Variants in TMCO4 observed in about 807,000 individuals in gnomAD.
The protein encoded by TMCO4 is transmembrane and coiled-coil domain-containing protein 4.
In TMCO4, 58 loss-of-function variants were observed where a neutral mutation model predicts 64.7. The observed-to-expected ratio is 0.90, with a 90% confidence interval of 0.73 to 1.12. The LOEUF (loss-of-function observed/expected upper bound fraction) is 1.12, where lower values mean the gene tolerates loss of function less well. TMCO4 is among the 50% of genes most tolerant of loss of function. TMCO4 has a pLI of 0.00. For missense variants in TMCO4, 780 were observed against 825.9 expected (o/e 0.94, Z 0.68); for synonymous variants, 325 against 346.1 (o/e 0.94, Z 0.68).
intron 13 of TMCO4, among the ~76,000 whole-genome samples, chr1:19,729,592 C>A (rs2095422150): frequency 6.6e-6 from 1 of 151,534 alleles, no homozygotes; most frequent in Non-Finnish European, 1.5e-5. Flanking sequence ...ATGGTGAAAC[C>A]CCGTCTCTAC....
At chr1:19,776,043 G>C (rs549802694) in intron 4 of TMCO4, among the ~76,000 whole-genome samples, 1 of 152,132 alleles carries the variant, frequency 6.6e-6, no homozygotes, top group Admixed American at 6.5e-5. Flanking sequence ...AAGTAGCTAG[G>C]ATTACAGGCA....
In TMCO4 at chr1:19,771,359, T is replaced by C. The variant is rs758379072; in HGVS notation, c.303A>G (p.Gln101=). The change falls in exon 5 of 16, where the codon CAA becomes CAG. Residue 101 remains glutamine, a synonymous_variant. Coordinates refer to ENST00000294543, the MANE Select transcript of TMCO4 (RefSeq NM_181719.7). ...TCAAGATGGGGTCCTTCAGTAAAAT[T>C]TGAACAAACACATCTGCTCCTTCAC... ...LGGEGADVFV[Q]ILLKDPILKD... The C allele has an allele frequency of 1.9e-6, 3 of 1,614,190 alleles. No individual in the cohort carries two copies. Among genetic ancestry groups the C allele is most frequent in the Non-Finnish European group, 2.5e-6 (3 of 1,180,036 alleles).
rs1166091075 is a variant in TMCO4 at position 19,745,318 on chromosome 1, G to A, written c.877+214C>T. 7.3e-6 allele frequency: 5 copies of A among 683,008 alleles called. No homozygotes were observed. The Admixed American group carries it at 9.2e-5, about 13-fold the overall frequency. The allele number at this position is 683,008 out of a possible 1,614,324, so 42.3% of individuals were successfully genotyped here. On this transcript the variant is annotated intron_variant, in intron 10 of 15. Coordinates refer to ENST00000294543, the MANE Select transcript of TMCO4 (RefSeq NM_181719.7). ...TGGGTGGGTAGGTGGATGGGTGGAT[G>A]GACAGGTGGGTAGGTGGATAGATGG... is the stretch of plus-strand genomic sequence containing the variant.
chr1:19,707,864 C>G (rs2095310292), intron 13 of TMCO4, among the ~76,000 whole-genome samples: 4 of 152,144 alleles, frequency 2.6e-5, no homozygotes, highest in Admixed American at 2.6e-4. Flanking sequence ...GGGAAGCAAG[C>G]TTGTCTTCCC....
rs1423031292 is a variant in TMCO4 at position 19,769,882 on chromosome 1, G to A, written c.382+660C>T. Among the ~76,000 whole-genome samples the A allele has an allele frequency of 4.2e-5, 5 of 118,836 alleles. No homozygotes were observed. In the East Asian group the frequency reaches 5.8e-4, roughly 14 times the overall value. The allele number at this position is 118,836 out of a possible 152,430, so 78.0% of individuals were successfully genotyped here. A position where few individuals can be genotyped will look rare whatever the true frequency, so the allele number is the denominator to read the frequency against. On this transcript the variant is annotated intron_variant, in intron 6 of 15. Transcript: ENST00000294543. ...TTTACCATGGACCAGTGTGGGGGCC[G>A]GGGATGCAAGCCGCAAAGCATACGT...
chr1:19,742,797 T>TG (rs2095485498), intron 10 of TMCO4, among the ~76,000 whole-genome samples: 1 of 151,894 alleles, frequency 6.6e-6, no homozygotes, highest in Non-Finnish European at 1.5e-5. Context: ...GCATAAAAGG[T>TG]GTTGTATACT....
chr1:19,700,012 C>T (rs1177738713), intron 14 of TMCO4, among the ~76,000 whole-genome samples: 1 of 152,188 alleles, frequency 6.6e-6, no homozygotes, highest in Non-Finnish European at 1.5e-5. Flanking sequence ...GAGCCTTAAA[C>T]ACTGTTGCTC....
At chr1:19,754,584 A>T (rs868471515) in intron 7 of TMCO4, among the ~76,000 whole-genome samples, 6 of 152,286 alleles carry the variant, frequency 3.9e-5, no homozygotes, top group African/African-American at 1.4e-4. Context: ...AGCTAAAAAA[A>T]ACCCAGACCT....
chr1:19,690,344 G>A (rs146744964), intron 15 of TMCO4, among the ~76,000 whole-genome samples: 2 of 152,160 alleles, frequency 1.3e-5, no homozygotes, highest in African/African-American at 2.4e-5. Flanking sequence ...ATACACCACC[G>A]TCTATTGGGC....
chr1:19,705,349 G>C (rs1374415917), intron 13 of TMCO4, among the ~76,000 whole-genome samples: 1 of 152,012 alleles, frequency 6.6e-6, no homozygotes, highest in East Asian at 1.9e-4. Flanking sequence ...TACTCGGAAG[G>C]CTGAGGTAGG....
chr1:19,771,534 A>G, intron 4 of TMCO4, 52 bp from the exon 5 acceptor site: 2 of 1,579,088 alleles, frequency 1.3e-6, no homozygotes, highest in Non-Finnish European at 1.7e-6. Flanking sequence ...CTCAGCCTCC[A>G]CTGGGCAGTG....
chr1:19,755,478 G>C (rs77999791), intron 7 of TMCO4, among the ~76,000 whole-genome samples, 156 bp downstream of exon 7: 3,159 of 152,314 alleles, frequency 0.021, 62 homozygotes, highest in East Asian at 0.056. Context: ...GCTTGCTAAG[G>C]CCACACAGCG....
intron 6 of TMCO4, among the ~76,000 whole-genome samples, chr1:19,765,307 A>G (rs1423340664): frequency 2.6e-5 from 4 of 152,276 alleles, no homozygotes; most frequent in African/African-American, 9.6e-5. Flanking sequence ...ATGATCATCT[A>G]CTCTGCAATA....
chr1:19,737,498 C>T, intron 12 of TMCO4, 42 bp from the exon 13 acceptor site: 2 of 1,593,720 alleles, frequency 1.3e-6, no homozygotes, highest in East Asian at 2.2e-5. Context: ...GGAATACTGC[C>T]AGTTCTAGCA....
intron 10 of TMCO4, among the ~76,000 whole-genome samples, chr1:19,744,533 C>T (rs150261470): frequency 2.0e-5 from 3 of 152,314 alleles, no homozygotes; most frequent in Non-Finnish European, 2.9e-5. Flanking sequence ...AAGTCCTTTG[C>T]TCTCTTCCAC....
chr1:19,689,480 G>A (rs554376654), intron 15 of TMCO4, among the ~76,000 whole-genome samples: 3 of 152,224 alleles, frequency 2.0e-5, no homozygotes, highest in African/African-American at 4.8e-5. Context: ...TCTTACATGC[G>A]CTGCCCTGGA....
intron 6 of TMCO4, among the ~76,000 whole-genome samples, chr1:19,757,483 T>C (rs2042318903): frequency 6.6e-6 from 1 of 152,156 alleles, no homozygotes; most frequent in Non-Finnish European, 1.5e-5. Flanking sequence ...CATCCCAAGA[T>C]TCTTAATGTA....
chr1:19,684,468 C>G (rs1028050192), intron 15 of TMCO4, among the ~76,000 whole-genome samples: 5 of 152,134 alleles, frequency 3.3e-5, no homozygotes, highest in Non-Finnish European at 7.4e-5. Flanking sequence ...CTCTGCTGTT[C>G]ACTAGTTGTG....
chr1:19,710,089 T>G (rs1047773858), intron 13 of TMCO4, among the ~76,000 whole-genome samples: 1 of 152,044 alleles, frequency 6.6e-6, no homozygotes, highest in Non-Finnish European at 1.5e-5. Context: ...CCTGGAATTC[T>G]ATTTTTTAAA....
Sources: allele counts gnomAD v4.1 joint callset (sites outside exome capture counted in the v4.1 genomes callset), GRCh38; gene constraint gnomAD v4.1.1; transcripts MANE v1.5; gene names NCBI Gene and HGNC (gene_info 2026-07-23, HGNC 2026-07-21).